Variants in NALF1 observed in about 807,000 individuals in gnomAD.
The protein encoded by NALF1 is NALCN channel auxiliary factor 1, also known as family with sequence similarity 155 member A.
A neutral mutation model predicts 48.4 loss-of-function variants in NALF1; 3 were observed. The observed-to-expected ratio is 0.06, with a 90% confidence interval of 0.03 to 0.16. The LOEUF (loss-of-function observed/expected upper bound fraction) is 0.16. Among genes scored for constraint, NALF1 ranks in the 10% least tolerant of loss-of-function variants. The pLI, the probability that NALF1 is intolerant of heterozygous loss-of-function variation, is 1.00. For missense variants in NALF1, 526 were observed against 571.5 expected, an observed-to-expected ratio of 0.92 and a Z score of 0.81; for synonymous variants, 262 against 245.7, an observed-to-expected ratio of 1.07 and a Z score of -0.62.
At chr13:107,791,560 T>C (rs960109636) in intron 1 of NALF1, among the ~76,000 whole-genome samples, 2 of 152,220 alleles carry the variant, frequency 1.3e-5, no homozygotes, top group African/African-American at 4.8e-5. Flanking sequence ...GTTCTTCTAA[T>C]GGATATTTTA....
intron 1 of NALF1, among the ~76,000 whole-genome samples, chr13:107,825,551 C>T (rs192904879): frequency 9.0e-4 from 137 of 152,228 alleles, no homozygotes; most frequent in Non-Finnish European, 6.2e-4. Context: ...AGAGAGCATT[C>T]GCTCAATAAC....
intron 1 of NALF1, among the ~76,000 whole-genome samples, chr13:107,312,581 A>T (rs1303846034): frequency 6.6e-6 from 1 of 152,196 alleles, no homozygotes; most frequent in East Asian, 1.9e-4. Context: ...TAATAAAAAA[A>T]AAGACTGCAA....
At chr13:107,529,895 C>T (rs982412364) in intron 1 of NALF1, among the ~76,000 whole-genome samples, 1 of 151,918 alleles carries the variant, frequency 6.6e-6, no homozygotes, top group African/African-American at 2.4e-5. Flanking sequence ...CATCTAGTGG[C>T]CATGGGACTC....
chr13:107,711,289 T>C (rs1380040516), intron 1 of NALF1, among the ~76,000 whole-genome samples: 1 of 152,206 alleles, frequency 6.6e-6, no homozygotes, highest in Non-Finnish European at 1.5e-5. Flanking sequence ...GAATTATGCA[T>C]CATATTGTGA....
intron 1 of NALF1, among the ~76,000 whole-genome samples, chr13:107,634,077 T>C (rs908479713): frequency 9.9e-5 from 15 of 152,034 alleles, no homozygotes; most frequent in African/African-American, 3.1e-4. Context: ...ACGAATACTT[T>C]AGTCCTTTAT....
At chr13:107,329,673 C>T (rs1882432632) in intron 1 of NALF1, among the ~76,000 whole-genome samples, 1 of 147,348 alleles carries the variant, frequency 6.8e-6, no homozygotes, top group Non-Finnish European at 1.5e-5. Context: ...CACAACAATC[C>T]CTGATGTGTG....
At chr13:107,457,926 T>C (rs528445500) in intron 1 of NALF1, among the ~76,000 whole-genome samples, 10 of 152,346 alleles carry the variant, frequency 6.6e-5, no homozygotes, top group African/African-American at 2.2e-4. Context: ...GTATTATTTC[T>C]ACGTTGTTAA....
intron 1 of NALF1, among the ~76,000 whole-genome samples, chr13:107,261,493 C>T (rs1880926650): frequency 6.6e-6 from 1 of 152,172 alleles, no homozygotes; most frequent in Non-Finnish European, 1.5e-5. Flanking sequence ...CTGCCCCCGT[C>T]CTCAAATCCT....
intron 1 of NALF1, among the ~76,000 whole-genome samples, chr13:107,490,469 C>T (rs939925329): frequency 2.0e-5 from 3 of 152,022 alleles, no homozygotes; most frequent in South Asian, 2.1e-4. Context: ...AAACAGAATA[C>T]GAAATACTGC....
chr13:107,758,016 T>C (rs1212676529), intron 1 of NALF1, among the ~76,000 whole-genome samples: 1 of 152,192 alleles, frequency 6.6e-6, no homozygotes, highest in Non-Finnish European at 1.5e-5. Context: ...TTTATTTGGC[T>C]ATTTCTTTTA....
chr13:107,722,365 C>G (rs149921049), intron 1 of NALF1, among the ~76,000 whole-genome samples: 73 of 152,270 alleles, frequency 4.8e-4, no homozygotes, highest in African/African-American at 1.7e-3. Context: ...TCCTTGATAT[C>G]TATTCCAGAA....
chr13:107,584,214 TG>T (rs1878390734), intron 1 of NALF1, among the ~76,000 whole-genome samples: 1 of 152,174 alleles, frequency 6.6e-6, no homozygotes, highest in Admixed American at 6.5e-5. Context: ...AATAATCATC[TG>T]TGAATATAAG....
intron 2 of NALF1, among the ~76,000 whole-genome samples, chr13:107,171,526 T>C (rs574318422): frequency 4.6e-5 from 7 of 152,340 alleles, no homozygotes; most frequent in African/African-American, 1.7e-4. Context: ...CCGCTTCTCT[T>C]GTTCTCTCTT....
At chr13:107,648,987 G>A (rs1389302592) in intron 1 of NALF1, among the ~76,000 whole-genome samples, 2 of 152,074 alleles carry the variant, frequency 1.3e-5, no homozygotes, top group African/African-American at 4.8e-5. Context: ...TTTCTTTGGT[G>A]AGGAGTCTTT....
intron 1 of NALF1, among the ~76,000 whole-genome samples, chr13:107,816,520 AATC>A (rs1452780164): frequency 1.3e-5 from 2 of 152,154 alleles, no homozygotes; most frequent in Non-Finnish European, 2.9e-5. Context: ...GTAAGGGAGA[AATC>A]AGCCCCACGA....
intron 1 of NALF1, among the ~76,000 whole-genome samples, chr13:107,286,302 T>C (rs1486433325): frequency 2.0e-5 from 3 of 151,860 alleles, no homozygotes; most frequent in African/African-American, 7.3e-5. Context: ...CAAATACAGG[T>C]ACACACATGT....
intron 1 of NALF1, among the ~76,000 whole-genome samples, chr13:107,361,629 A>C (rs1311186774): frequency 6.6e-6 from 1 of 152,234 alleles, no homozygotes; most frequent in African/African-American, 2.4e-5. Context: ...ATGGTGCAGC[A>C]GAGCCGGTTT....
intron 1 of NALF1, among the ~76,000 whole-genome samples, chr13:107,447,246 CTTCT>C (rs1003396381): frequency 9.2e-5 from 14 of 151,938 alleles, no homozygotes; most frequent in Admixed American, 7.2e-4. Flanking sequence ...CCTTCTCCTT[CTTCT>C]TTTTGTTTAT....
Position 107,866,443 on chromosome 13 carries a change from G to C in NALF1, c.154C>G (p.Leu52Val). The change falls in exon 1 of 3, where the codon CTC becomes GTC. Residue 52 changes from leucine (L) to valine (V), a missense_variant. Coordinates refer to ENST00000375915, the MANE Select transcript of NALF1 (RefSeq NM_001080396.3). The surrounding 1 kb of genome is among the most constrained non-coding windows in gnomAD (Gnocchi z 4.4). ...LASLLFFTVL[L>V]SDHLWFCAEA... ...GCGCAGAACCACAAGTGATCAGAGA[G>C]CAGGACTGTGAAAAACAAGAGAGAT... The C allele has an allele frequency of 6.2e-7, 1 of 1,614,180 alleles. No individual in the cohort carries two copies. The highest frequency in any genetic ancestry group is 8.5e-7 in the Non-Finnish European group (1 of 1,180,038).
Sources: gnomAD v4.1 joint callset for allele counts (sites outside exome capture counted in the v4.1 genomes callset) on GRCh38, gnomAD v4.1.1 for gene constraint, Gnocchi (gnomAD v3.1) non-coding constraint, MANE v1.5 for transcripts, NCBI Gene and HGNC (gene_info 2026-07-23, HGNC 2026-07-21) for gene names.